The following DUSP22 variants were observed in gnomAD, a reference collection of about 807,000 sequenced individuals.
The protein encoded by DUSP22 is dual specificity protein phosphatase 22.
Under a neutral mutation model 24.5 loss-of-function variants are expected in DUSP22, and 24 were observed. The ratio of observed to expected loss-of-function variants is 0.98; its 90% confidence interval spans 0.71 to 1.38. DUSP22 has a LOEUF of 1.38. DUSP22 is among the 40% of genes most tolerant of loss of function. The pLI, the probability that DUSP22 is intolerant of heterozygous loss-of-function variation, is 0.00. For synonymous variants in DUSP22, 160 were observed against 106.4 expected (o/e 1.50, Z -3.10); for missense variants, 330 against 269.2 (o/e 1.23, Z -1.58).
intron 5 of DUSP22, among the ~76,000 whole-genome samples, 191 bp downstream of exon 5, chr6:346,119 C>G (rs937807061): frequency 1.3e-5 from 2 of 152,296 alleles, no homozygotes; most frequent in Admixed American, 1.3e-4. Context: ...AAGGAGAACC[C>G]TAACTCGTTT....
intron 3 of DUSP22, among the ~76,000 whole-genome samples, chr6:334,184 C>G (rs1376767983): frequency 6.6e-6 from 1 of 152,312 alleles, no homozygotes; most frequent in African/African-American, 2.4e-5. Context: ...GGCTACTTCT[C>G]CAGTGTCTGA....
At chr6:334,925 G>C (rs915064476) in intron 3 of DUSP22, among the ~76,000 whole-genome samples, 189 bp from the exon 4 acceptor site, 1 of 152,302 alleles carries the variant, frequency 6.6e-6, no homozygotes, top group African/African-American at 2.4e-5. Context: ...TTATTTGTAC[G>C]CATGGTCACG....
Position 344,500 on chromosome 6 carries a change from G to A in DUSP22, c.189-1354G>A, listed in dbSNP as rs536729171. On this transcript the variant is annotated intron_variant, in intron 4 of 6. Transcript: ENST00000419235. Reference sequence around the variant, plus strand: ...GAGATGAGTTTCGACATTTTGCCCCGGCTGGTCTCAAATTCCTGAGCTCAA... The same window carrying A: ...GAGATGAGTTTCGACATTTTGCCCCAGCTGGTCTCAAATTCCTGAGCTCAA... 5.2e-5 allele frequency among the ~76,000 whole-genome samples: 8 copies of A among 152,384 alleles called. No homozygotes were observed. The East Asian group carries it at 5.8e-4, about 11-fold the overall frequency.
chr6:296,049 G>T (rs915580367), intron 1 of DUSP22, among the ~76,000 whole-genome samples: 1 of 127,798 alleles, frequency 7.8e-6, no homozygotes, highest in African/African-American at 2.5e-5. Flanking sequence ...TCCCAAGTAA[G>T]TTTTAAAATT....
In DUSP22 at chr6:349,316, G is replaced by C; in HGVS notation, c.*365G>C. On this transcript the variant is annotated 3_prime_UTR_variant, in exon 7 of 7. Coordinates refer to ENST00000419235, the MANE Select transcript of DUSP22 (RefSeq NM_001286555.3). The stretch of plus-strand genomic sequence containing the variant: ...GTGTACATGTGTGTATGTTGTGAAA[G>C]TGTCTGTGCACATGAATGTTTGTGT... 1 of 1,164,860 alleles carries C rather than the reference G, an allele frequency of 8.6e-7. No individual in the cohort carries two copies. 72.2% of individuals were successfully genotyped at this position (1,164,860 alleles called of 1,614,324 possible).
At chr6:319,015 G>A (rs1758461733) in intron 3 of DUSP22, among the ~76,000 whole-genome samples, 1 of 152,288 alleles carries the variant, frequency 6.6e-6, no homozygotes, top group African/African-American at 2.4e-5. Context: ...ACATTTATAT[G>A]CATGATAATG....
At chr6:324,424 C>G (rs1230223277) in intron 3 of DUSP22, among the ~76,000 whole-genome samples, 1 of 152,308 alleles carries the variant, frequency 6.6e-6, no homozygotes. Flanking sequence ...GTGAGTGCCG[C>G]GGAGCACAGG....
intron 2 of DUSP22, among the ~76,000 whole-genome samples, chr6:308,101 A>T (rs1434567448): frequency 6.6e-6 from 1 of 150,602 alleles, no homozygotes; most frequent in African/African-American, 2.5e-5. Context: ...TAGGGTGCAC[A>T]TGACCTTCTG....
At chr6:339,517 C>G (rs1017393868) in intron 4 of DUSP22, among the ~76,000 whole-genome samples, 2 of 152,286 alleles carry the variant, frequency 1.3e-5, no homozygotes, top group South Asian at 4.1e-4. Context: ...GCATTTTGTA[C>G]TTTGACATCA....
At chr6:326,141 C>G (rs1430051153) in intron 3 of DUSP22, 1 of 236,170 alleles carries the variant, frequency 4.2e-6, no homozygotes, top group Admixed American at 6.3e-5. Context: ...GTCGTCTTCC[C>G]TCGGCTTCTG....
chr6:308,237 A>T (rs1323076001), intron 2 of DUSP22, among the ~76,000 whole-genome samples: 2 of 152,276 alleles, frequency 1.3e-5, no homozygotes, highest in African/African-American at 4.8e-5. Context: ...GTCTGTGCTC[A>T]GGAGGAGCTA....
At chr6:327,308 C>T (rs2127407846) in intron 3 of DUSP22, among the ~76,000 whole-genome samples, 1 of 152,424 alleles carries the variant, frequency 6.6e-6, no homozygotes, top group East Asian at 1.9e-4. Context: ...CCACGTCCAG[C>T]AGAGCCCCAT....
chr6:349,082 C>A lies in DUSP22; in HGVS notation c.*131C>A, dbSNP rs1198476647. On this transcript the variant is annotated 3_prime_UTR_variant, in exon 7 of 7. Coordinates refer to ENST00000419235, the MANE Select transcript of DUSP22 (RefSeq NM_001286555.3). ...GGGCGAGGTGGGGCGAGGGCTCCTT[C>A]CCCCAAGCAACACCGCCCAGCCCTG... 1.4e-6 allele frequency: 2 copies of A among 1,470,140 alleles called. No individual in the cohort carries two copies. Among genetic ancestry groups the A allele is most frequent in the Middle Eastern group, 2.5e-4 (1 of 4,030 alleles). 91.1% of individuals were successfully genotyped at this position (1,470,140 alleles called of 1,614,324 possible).
Position 345,884 on chromosome 6 carries a change from C to T in DUSP22, c.219C>T (p.Phe73=). ...LTRHFKESIK[F]IHECRLRGES... Reference sequence around the variant, plus strand: ...GACATTTCAAAGAAAGTATTAAATTCATTCACGAGTGCCGGCTCCGCGGTG... The same window carrying T: ...GACATTTCAAAGAAAGTATTAAATTTATTCACGAGTGCCGGCTCCGCGGTG... The change falls in exon 5 of 7, where the codon TTC becomes TTT. Residue 73 remains phenylalanine, a synonymous_variant. Coordinates refer to ENST00000419235, the MANE Select transcript of DUSP22 (RefSeq NM_001286555.3). 6.2e-7 allele frequency: 1 copy of T among 1,614,266 alleles called. No individual in the cohort carries two copies. Among genetic ancestry groups the T allele is most frequent in the Middle Eastern group, 1.6e-4 (1 of 6,062 alleles).
chr6:297,282 G>A (rs918395414), intron 1 of DUSP22, among the ~76,000 whole-genome samples: 24 of 152,286 alleles, frequency 1.6e-4, no homozygotes, highest in African/African-American at 5.8e-4. Context: ...TTACTAATTG[G>A]GTTATTGGGA....
In DUSP22 at chr6:350,072, T is replaced by A. The variant is rs1412427960; in HGVS notation, c.*1121T>A. ...TAAGCTTCTTGGTATTCACTTGGGT[T>A]TGATAATTGATCTGAGCTACCTCAT... On this transcript the variant is annotated 3_prime_UTR_variant, in exon 7 of 7. Transcript: ENST00000419235. 5.1e-6 allele frequency: 5 copies of A among 985,564 alleles called. No homozygotes were observed. The highest frequency in any genetic ancestry group is 6.0e-6 in the Non-Finnish European group (5 of 830,046). 61.1% of individuals were successfully genotyped at this position (985,564 alleles called of 1,614,324 possible).
At chr6:331,694 G>C (rs939165303) in intron 3 of DUSP22, among the ~76,000 whole-genome samples, 1 of 152,302 alleles carries the variant, frequency 6.6e-6, no homozygotes, top group African/African-American at 2.4e-5. Flanking sequence ...GTCATGAATT[G>C]TACACATGTG....
rs910089161 is a variant in DUSP22 at position 338,908 on chromosome 6, G to A, written c.188+3745G>A. Among the ~76,000 whole-genome samples the A allele has an allele frequency of 1.1e-4, 17 of 152,416 alleles. No individual in the cohort carries two copies. In the East Asian group the frequency reaches 1.5e-3, roughly 14 times the overall value. On this transcript the variant is annotated intron_variant, in intron 4 of 6. Coordinates refer to ENST00000419235, the MANE Select transcript of DUSP22 (RefSeq NM_001286555.3). The stretch of plus-strand genomic sequence containing the variant: ...GACATTCAGTTGCTGCAGACTGCCC[G>A]GAAAGGTCAGTTTTCTGTCTTGGCC...
intron 3 of DUSP22, among the ~76,000 whole-genome samples, chr6:318,707 G>A (rs1186478757): frequency 6.6e-6 from 1 of 152,308 alleles, no homozygotes; most frequent in Non-Finnish European, 1.5e-5. Context: ...AACCCCCAAA[G>A]CCACACATCT....
Sources: allele counts gnomAD v4.1 joint callset (sites outside exome capture counted in the v4.1 genomes callset), GRCh38; gene constraint gnomAD v4.1.1; transcripts MANE v1.5; gene names NCBI Gene and HGNC (gene_info 2026-07-23, HGNC 2026-07-21).